Variants in GUCY1A2 observed in about 807,000 individuals in gnomAD.
GUCY1A2 encodes guanylate cyclase soluble subunit alpha-2.
GUCY1A2 carries 27 observed loss-of-function variants against 63.5 expected under a neutral mutation model. The observed-to-expected ratio is 0.43, with a 90% confidence interval of 0.31 to 0.59. The LOEUF (loss-of-function observed/expected upper bound fraction) is 0.59. Ranked by LOEUF, GUCY1A2 falls within the 20% of genes least tolerant of loss-of-function variation. The pLI is 0.11. For missense variants in GUCY1A2, 768 were observed against 913.3 expected (o/e 0.84, Z 2.05); for synonymous variants, 364 against 343.5 (o/e 1.06, Z -0.66).
At chr11:106,751,590 G>A (rs1023277993) in intron 6 of GUCY1A2, among the ~76,000 whole-genome samples, 1 of 152,050 alleles carries the variant, frequency 6.6e-6, no homozygotes, top group East Asian at 1.9e-4. Context: ...AAGAGACCAC[G>A]TGCAAAAACA....
intron 5 of GUCY1A2, among the ~76,000 whole-genome samples, chr11:106,779,929 C>T (rs1423457902): frequency 6.6e-6 from 1 of 152,084 alleles, no homozygotes; most frequent in African/African-American, 2.4e-5. Flanking sequence ...ACCTGGAATC[C>T]CAACATTTTG....
chr11:106,782,072 A>AAAAG (rs1489709295), intron 5 of GUCY1A2, among the ~76,000 whole-genome samples: 1 of 152,176 alleles, frequency 6.6e-6, no homozygotes, highest in Non-Finnish European at 1.5e-5. Context: ...AGATTAGCCA[A>AAAAG]AAAGAACAAT....
intron 4 of GUCY1A2, among the ~76,000 whole-genome samples, chr11:106,861,333 A>G (rs1207960896): frequency 6.6e-6 from 1 of 152,002 alleles, no homozygotes; most frequent in African/African-American, 2.4e-5. Flanking sequence ...CTGTCTTCAA[A>G]GGTTTTGTGT....
intron 4 of GUCY1A2, among the ~76,000 whole-genome samples, chr11:106,888,076 G>A (rs546397787): frequency 6.6e-6 from 1 of 152,184 alleles, no homozygotes; most frequent in South Asian, 2.1e-4. Flanking sequence ...GGGGTTGGGG[G>A]AATGAACAAT....
intron 6 of GUCY1A2, among the ~76,000 whole-genome samples, chr11:106,717,113 G>C (rs1215244325): frequency 6.6e-6 from 1 of 152,188 alleles, no homozygotes. Context: ...ATTTGAGTCA[G>C]TGGATTCCTT....
intron 7 of GUCY1A2, among the ~76,000 whole-genome samples, chr11:106,700,131 A>G (rs12365648): frequency 0.09 from 13,663 of 152,146 alleles, 879 homozygotes; most frequent in Non-Finnish European, 0.14. Flanking sequence ...ACATAATTAT[A>G]TATTTTCTCA....
At position 106,918,734 on chromosome 11, in the gene GUCY1A2, A is replaced by G. The variant is rs1860401204; in HGVS notation, c.1206+20726T>C. 1.5e-5 allele frequency among the ~76,000 whole-genome samples: 2 copies of G among 133,728 alleles called. 1 individual carries two copies. The highest frequency in any genetic ancestry group is 5.5e-4 in the South Asian group (2 of 3,606). The allele number at this position is 133,728 out of a possible 152,430, so 87.7% of individuals were successfully genotyped here. ...AGATTTATTGTGCACACTTCATCTC[A>G]TGACAAGTAAAAAAGGTTAACAGCT... On this transcript the variant is annotated intron_variant, in intron 4 of 7. Coordinates refer to ENST00000526355, the MANE Select transcript of GUCY1A2 (RefSeq NM_000855.3).
chr11:106,793,638 C>T (rs2135413722), intron 5 of GUCY1A2, among the ~76,000 whole-genome samples: 1 of 152,010 alleles, frequency 6.6e-6, no homozygotes, highest in East Asian at 1.9e-4. Context: ...ATTCAAAGAA[C>T]TCATACAACT....
intron 6 of GUCY1A2, among the ~76,000 whole-genome samples, chr11:106,762,844 T>C (rs1253964419): frequency 1.3e-5 from 2 of 152,076 alleles, no homozygotes; most frequent in African/African-American, 4.8e-5. Flanking sequence ...AAACCCTCAT[T>C]AGGCTGGCCA....
intron 3 of GUCY1A2, among the ~76,000 whole-genome samples, chr11:106,972,224 T>C (rs1476421486): frequency 1.3e-5 from 2 of 152,154 alleles, no homozygotes; most frequent in African/African-American, 2.4e-5. Flanking sequence ...TAATAACCTA[T>C]CAATATTGTT....
chr11:106,947,218 C>CAAA lies in GUCY1A2; in HGVS notation c.488-7043_488-7041dup, dbSNP rs35132742. Among the ~76,000 whole-genome samples the CAAA allele has an allele frequency of 9.8e-4, 111 of 113,206 alleles. 4 individuals carry two copies. In the East Asian group the frequency reaches 0.011, roughly 11 times the overall value. The allele number at this position is 113,206 out of a possible 152,430, so 74.3% of individuals were successfully genotyped here. On this transcript the variant is annotated intron_variant, in intron 3 of 7. Transcript: ENST00000526355. The stretch of plus-strand genomic sequence containing the variant: ...GGTGACAAAGCAAGACTCCATCTCA[C>CAAA]AAAAAAAAAAAAAGAATGAAAGAAG...
chr11:106,824,670 T>C lies in GUCY1A2; in HGVS notation c.1207-14192A>G, dbSNP rs182029719. On this transcript the variant is annotated intron_variant, in intron 4 of 7. Transcript: ENST00000526355. ...TCATATTTGAATAGAAATTTGTAGA[T>C]AAAAAACTAGACCCCTGTATACTTA... is the stretch of plus-strand genomic sequence containing the variant. 1.7e-3 allele frequency: 1,518 copies of C among 869,928 alleles called. 22 individuals are homozygous for C. In the African/African-American group the frequency reaches 0.023, roughly 13 times the overall value. 53.9% of individuals were successfully genotyped at this position (869,928 alleles called of 1,614,324 possible).
chr11:106,955,695 G>C (rs1202476495), intron 3 of GUCY1A2, among the ~76,000 whole-genome samples: 1 of 152,164 alleles, frequency 6.6e-6, no homozygotes, highest in Non-Finnish European at 1.5e-5. Flanking sequence ...TCCCTTTGTA[G>C]GTGACCTGGC....
intron 5 of GUCY1A2, among the ~76,000 whole-genome samples, chr11:106,785,161 T>C (rs376775103): frequency 6.6e-6 from 1 of 152,160 alleles, no homozygotes; most frequent in African/African-American, 2.4e-5. Flanking sequence ...ACGGAGACGA[T>C]GGATTGAAAC....
At chr11:106,938,260 T>G (rs866730657) in intron 4 of GUCY1A2, among the ~76,000 whole-genome samples, 6 of 152,298 alleles carry the variant, frequency 3.9e-5, no homozygotes, top group Middle Eastern at 3.4e-3. Flanking sequence ...CTCGAATATT[T>G]TTTTTAAAAA....
At chr11:106,795,915 A>G (rs1012434727) in intron 5 of GUCY1A2, among the ~76,000 whole-genome samples, 1 of 151,774 alleles carries the variant, frequency 6.6e-6, no homozygotes, top group Non-Finnish European at 1.5e-5. Flanking sequence ...GGGTGTTAAA[A>G]TCTCCCACTA....
At chr11:106,918,872 C>T (rs1354194422) in intron 4 of GUCY1A2, among the ~76,000 whole-genome samples, 1 of 152,136 alleles carries the variant, frequency 6.6e-6, no homozygotes, top group Non-Finnish European at 1.5e-5. Context: ...CTTGATTTAT[C>T]ATCTTCTGGG....
At chr11:106,869,115 G>C (rs1388060583) in intron 4 of GUCY1A2, among the ~76,000 whole-genome samples, 1 of 152,146 alleles carries the variant, frequency 6.6e-6, no homozygotes, top group East Asian at 1.9e-4. Flanking sequence ...ATTCAAGATG[G>C]ATTCAAGACT....
chr11:106,683,180 G>A lies in GUCY1A2; in HGVS notation c.*4369C>T, dbSNP rs1862460248. On this transcript the variant is annotated 3_prime_UTR_variant, in exon 8 of 8. Transcript: ENST00000526355. ...TTCAGTCTCATGCATCATGATTTTT[G>A]GGTTATATCTATTATTAAGCTATGA... 1 of 214,094 alleles carries A rather than the reference G, an allele frequency of 4.7e-6. No homozygotes were observed. The highest frequency in any genetic ancestry group is 9.4e-6 in the Non-Finnish European group (1 of 106,080). 13.3% of individuals were successfully genotyped at this position (214,094 alleles called of 1,614,324 possible).
Sources: allele counts gnomAD v4.1 joint callset (sites outside exome capture counted in the v4.1 genomes callset), GRCh38; gene constraint gnomAD v4.1.1; transcripts MANE v1.5; gene names NCBI Gene and HGNC (gene_info 2026-07-23, HGNC 2026-07-21).